Variants in SH3RF3 observed in about 807,000 individuals in gnomAD.
SH3RF3 encodes the protein E3 ubiquitin-protein ligase SH3RF3.
Under a neutral mutation model 66.3 loss-of-function variants are expected in SH3RF3, and 29 were observed. The ratio of observed to expected loss-of-function variants is 0.44; its 90% CI spans 0.33 to 0.60. The LOEUF (loss-of-function observed/expected upper bound fraction) is 0.60, where lower values mean the gene tolerates loss of function less well. SH3RF3 is among the 20% of genes least tolerant of loss of function. The pLI, the probability that SH3RF3 is intolerant of heterozygous loss-of-function variation, is 0.04. For missense variants in SH3RF3, 1,194 were observed against 1,190.9 expected (o/e 1.00, Z -0.04); for synonymous variants, 583 against 532.0 (o/e 1.10, Z -1.32).
At position 109,501,522 on chromosome 2, in the gene SH3RF3, TACCC is replaced by T; in HGVS notation, c.2505_2508del (p.Pro836ArgfsTer8). 1.3e-6 allele frequency: 1 copy of T among 778,910 alleles called. No individual in the cohort carries two copies. The highest frequency in any genetic ancestry group is 2.4e-5 in the East Asian group (1 of 41,190). 48.2% of individuals were successfully genotyped at this position (778,910 alleles called of 1,614,324 possible). On this transcript the variant is annotated frameshift_variant, in exon 10 of 10. Coordinates refer to ENST00000309415, the MANE Select transcript of SH3RF3 (RefSeq NM_001099289.3). LOFTEE classifies it high-confidence loss of function. Reference sequence around the variant, plus strand: ...CCCCAGGTACCGCGTGGTGGTCTCGTACCCACCCCAGAGTGAGGCGGAGATCGAG... The same window carrying T: ...CCCCAGGTACCGCGTGGTGGTCTCGTACCCCAGAGTGAGGCGGAGATCGAG...
At chr2:109,212,296 G>A (rs1202766777) in intron 1 of SH3RF3, among the ~76,000 whole-genome samples, 4 of 152,228 alleles carry the variant, frequency 2.6e-5, no homozygotes, top group Non-Finnish European at 5.9e-5. Context: ...AAGTCAGTTG[G>A]CTCGCTATGG....
rs189532686 is a variant in SH3RF3 at position 109,466,271 on chromosome 2, C to T, written c.2148+16782C>T. ...CTAATTTTTGTATTTTTAGTAGAGA[C>T]GGGGTTTCACTGTGTTAGCCAGGAT... On this transcript the variant is annotated intron_variant, in intron 8 of 9. Coordinates refer to ENST00000309415, the MANE Select transcript of SH3RF3 (RefSeq NM_001099289.3). Among the ~76,000 whole-genome samples the T allele has an allele frequency of 2.5e-3, 374 of 151,932 alleles. 1 individual carries two copies. Among genetic ancestry groups the T allele is most frequent in the African/African-American group, 7.7e-3 (317 of 41,422 alleles).
At chr2:109,147,496 G>A (rs955678401) in intron 1 of SH3RF3, among the ~76,000 whole-genome samples, 1 of 152,184 alleles carries the variant, frequency 6.6e-6, no homozygotes, top group African/African-American at 2.4e-5. Context: ...CAACAGATCT[G>A]ATAAGAAGCC....
At chr2:109,342,662 G>C (rs1574584885) in intron 1 of SH3RF3, among the ~76,000 whole-genome samples, 1 of 152,182 alleles carries the variant, frequency 6.6e-6, no homozygotes, top group South Asian at 2.1e-4. Context: ...CTTACTCAGG[G>C]GTACGGCTTG....
intron 1 of SH3RF3, among the ~76,000 whole-genome samples, chr2:109,243,461 C>T (rs999255089): frequency 6.6e-6 from 1 of 152,178 alleles, no homozygotes; most frequent in Admixed American, 6.5e-5. Context: ...GTATTCTCCT[C>T]GTGTGCATTC....
At chr2:109,495,838 G>A (rs1014180035) in intron 9 of SH3RF3, among the ~76,000 whole-genome samples, 1 of 152,104 alleles carries the variant, frequency 6.6e-6, no homozygotes, top group African/African-American at 2.4e-5. Flanking sequence ...ATAAAATGGG[G>A]ATAATAATAC....
chr2:109,453,067 G>A (rs917626469), intron 8 of SH3RF3, among the ~76,000 whole-genome samples: 3 of 152,316 alleles, frequency 2.0e-5, no homozygotes, highest in African/African-American at 7.2e-5. Flanking sequence ...GGGCCTTTGA[G>A]CTCTGTTCCC....
chr2:109,156,807 C>G (rs568030483), intron 1 of SH3RF3, among the ~76,000 whole-genome samples: 1 of 152,174 alleles, frequency 6.6e-6, no homozygotes. Flanking sequence ...CGTAGGCTCT[C>G]TGCTGACCTG....
At chr2:109,370,752 C>T (rs954897008) in intron 2 of SH3RF3, among the ~76,000 whole-genome samples, 1 of 152,188 alleles carries the variant, frequency 6.6e-6, no homozygotes, top group Non-Finnish European at 1.5e-5. Flanking sequence ...CCCCGAAAGC[C>T]CGCCTTTCCT....
chr2:109,372,841 G>T (rs985716973), intron 3 of SH3RF3, among the ~76,000 whole-genome samples: 3 of 152,214 alleles, frequency 2.0e-5, no homozygotes, highest in Non-Finnish European at 4.4e-5. Context: ...AAGCCCACGG[G>T]TGACACGGCC....
intron 1 of SH3RF3, among the ~76,000 whole-genome samples, chr2:109,274,458 G>C (rs1680702066): frequency 6.6e-6 from 1 of 152,152 alleles, no homozygotes; most frequent in South Asian, 2.1e-4. Context: ...AGCCATCAAA[G>C]GAAATGAAAT....
chr2:109,400,226 G>A (rs182084265), intron 4 of SH3RF3, among the ~76,000 whole-genome samples: 2 of 151,548 alleles, frequency 1.3e-5, no homozygotes, highest in Non-Finnish European at 2.9e-5. Context: ...ACACATGCAC[G>A]CACACACACA....
At chr2:109,482,946 T>A (rs1316605478) in intron 8 of SH3RF3, among the ~76,000 whole-genome samples, 1 of 152,258 alleles carries the variant, frequency 6.6e-6, no homozygotes, top group Non-Finnish European at 1.5e-5. Context: ...TTTTTGAAGA[T>A]GCATGTTAAT....
At chr2:109,157,359 C>T (rs900717568) in intron 1 of SH3RF3, among the ~76,000 whole-genome samples, 6 of 152,178 alleles carry the variant, frequency 3.9e-5, no homozygotes, top group Admixed American at 3.3e-4. Context: ...ATATTGCATT[C>T]GCTTTATAGA....
At chr2:109,305,766 G>A (rs1681578148) in intron 1 of SH3RF3, among the ~76,000 whole-genome samples, 1 of 152,230 alleles carries the variant, frequency 6.6e-6, no homozygotes, top group Non-Finnish European at 1.5e-5. Flanking sequence ...GCGGTTCCCT[G>A]AGACAGATGC....
chr2:109,479,834 A>G (rs966995444), intron 8 of SH3RF3, among the ~76,000 whole-genome samples: 4 of 152,146 alleles, frequency 2.6e-5, no homozygotes, highest in Non-Finnish European at 1.5e-5. Flanking sequence ...CCACTGATGA[A>G]GACCCCGGGA....
At chr2:109,442,172 G>A (rs1026973975) in intron 7 of SH3RF3, among the ~76,000 whole-genome samples, 10 of 152,140 alleles carry the variant, frequency 6.6e-5, no homozygotes, top group Non-Finnish European at 1.0e-4. Flanking sequence ...TTAGCCAGGC[G>A]TGTTGGCGGG....
chr2:109,151,777 C>G (rs1677230232), intron 1 of SH3RF3, among the ~76,000 whole-genome samples: 1 of 152,228 alleles, frequency 6.6e-6, no homozygotes, highest in Admixed American at 6.5e-5. Context: ...AAAGTTCTGG[C>G]ACCAGTGCAC....
At chr2:109,180,117 A>T (rs1678041549) in intron 1 of SH3RF3, among the ~76,000 whole-genome samples, 2 of 150,486 alleles carry the variant, frequency 1.3e-5, no homozygotes, top group African/African-American at 2.5e-5. Context: ...CCACAGGAGA[A>T]GTTTTTTTTT....
Sources: gnomAD v4.1 joint callset for allele counts (sites outside exome capture counted in the v4.1 genomes callset) on GRCh38, gnomAD v4.1.1 for gene constraint, MANE v1.5 for transcripts, NCBI Gene and HGNC (gene_info 2026-07-23, HGNC 2026-07-21) for gene names.